Variants in MOXD1 observed in about 807,000 individuals in gnomAD.
MOXD1 encodes DBH-like monooxygenase protein 1.
In MOXD1, 62 loss-of-function variants were observed where a neutral mutation model predicts 66.6. The ratio of observed to expected loss-of-function variants is 0.93; its 90% CI spans 0.76 to 1.15. The LOEUF (loss-of-function observed/expected upper bound fraction) is 1.15, where lower values mean the gene tolerates loss of function less well. MOXD1 is among the 50% of genes most tolerant of loss of function. The pLI, the probability that MOXD1 is intolerant of heterozygous loss-of-function variation, is 0.00. For synonymous variants in MOXD1, 303 were observed against 281.9 expected (o/e 1.07, Z -0.75); for missense variants, 847 against 754.6 (o/e 1.12, Z -1.44).
intron 4 of MOXD1, among the ~76,000 whole-genome samples, chr6:132,349,436 C>CATATATATAT (rs1306974766): frequency 2.3e-4 from 4 of 17,324 alleles, no homozygotes; most frequent in Non-Finnish European, 3.0e-4. Flanking sequence ...TATATATATA[C>CATATATATAT]ATATATATAT....
chr6:132,398,250 A>G (rs749326393), intron 1 of MOXD1, among the ~76,000 whole-genome samples: 10 of 152,210 alleles, frequency 6.6e-5, no homozygotes, highest in Non-Finnish European at 1.2e-4. Flanking sequence ...TGTGACATCT[A>G]TTAAGCCAAT....
At chr6:132,305,649 A>G (rs879430367) in intron 10 of MOXD1, among the ~76,000 whole-genome samples, 9 of 152,240 alleles carry the variant, frequency 5.9e-5, no homozygotes, top group African/African-American at 2.2e-4. Flanking sequence ...AAGAAGGAGT[A>G]GGCACTCATC....
chr6:132,307,790 A>C (rs1394867231), intron 10 of MOXD1, among the ~76,000 whole-genome samples: 1 of 152,194 alleles, frequency 6.6e-6, no homozygotes, highest in East Asian at 1.9e-4. Context: ...TAATGAAATT[A>C]AGACAGAAAT....
chr6:132,332,048 G>A (rs896848610), intron 4 of MOXD1, among the ~76,000 whole-genome samples: 2 of 152,174 alleles, frequency 1.3e-5, no homozygotes, highest in Non-Finnish European at 2.9e-5. Flanking sequence ...GGGGGCTCAT[G>A]GCCTCCCTGC....
intron 1 of MOXD1, among the ~76,000 whole-genome samples, chr6:132,382,085 C>T (rs1370579473): frequency 1.3e-5 from 2 of 151,912 alleles, no homozygotes; most frequent in African/African-American, 4.8e-5. Flanking sequence ...GTTGTCATGG[C>T]CTGATATCAC....
chr6:132,373,564 C>G (rs1776313062), intron 2 of MOXD1, among the ~76,000 whole-genome samples: 1 of 152,140 alleles, frequency 6.6e-6, no homozygotes, highest in Non-Finnish European at 1.5e-5. Flanking sequence ...TACAGTTAAT[C>G]TACAGTCATT....
intron 4 of MOXD1, among the ~76,000 whole-genome samples, chr6:132,348,755 C>T (rs1455035192): frequency 1.3e-5 from 2 of 152,056 alleles, no homozygotes; most frequent in African/African-American, 2.4e-5. Flanking sequence ...AATCTCTTTT[C>T]TTGGCAGATA....
intron 10 of MOXD1, among the ~76,000 whole-genome samples, chr6:132,305,094 G>A (rs564182984): frequency 8.5e-5 from 13 of 152,284 alleles, no homozygotes; most frequent in Admixed American, 2.0e-4. Context: ...ACTAGGACTC[G>A]CAACTGCCTA....
At chr6:132,383,887 T>G (rs1379888441) in intron 1 of MOXD1, among the ~76,000 whole-genome samples, 4 of 152,142 alleles carry the variant, frequency 2.6e-5, no homozygotes, top group African/African-American at 9.6e-5. Flanking sequence ...CTGGCCAAAA[T>G]AGTGAAACCC....
intron 4 of MOXD1, among the ~76,000 whole-genome samples, chr6:132,340,179 G>A (rs1044086798): frequency 1.9e-4 from 29 of 152,122 alleles, no homozygotes; most frequent in African/African-American, 6.3e-4. Flanking sequence ...CACCGCGCCT[G>A]GCCAAAGCTA....
intron 1 of MOXD1, among the ~76,000 whole-genome samples, chr6:132,395,493 T>A (rs999394054): frequency 6.6e-6 from 1 of 151,884 alleles, no homozygotes; most frequent in Non-Finnish European, 1.5e-5. Context: ...CAACTAGAAA[T>A]CAGTTAATAA....
At chr6:132,354,687 A>C (rs562932679) in intron 4 of MOXD1, among the ~76,000 whole-genome samples, 3 of 152,200 alleles carry the variant, frequency 2.0e-5, no homozygotes, top group African/African-American at 7.2e-5. Context: ...TACGAAGAGG[A>C]AGTGGTGGTG....
At chr6:132,303,857 A>G (rs1332125756) in intron 10 of MOXD1, among the ~76,000 whole-genome samples, 3 of 72,466 alleles carry the variant, frequency 4.1e-5, no homozygotes, top group African/African-American at 1.6e-4. Flanking sequence ...ATATATATAT[A>G]TATATATATA....
At chr6:132,315,232 G>A (rs1207828450) in intron 10 of MOXD1, among the ~76,000 whole-genome samples, 1 of 152,062 alleles carries the variant, frequency 6.6e-6, no homozygotes, top group Non-Finnish European at 1.5e-5. Flanking sequence ...TTCCATACAT[G>A]TTGTCACAAT....
intron 4 of MOXD1, among the ~76,000 whole-genome samples, chr6:132,367,200 G>A (rs976562923): frequency 2.6e-5 from 4 of 151,932 alleles, no homozygotes; most frequent in African/African-American, 9.7e-5. Flanking sequence ...GGTTTTCTTT[G>A]GAACTCTGAC....
intron 10 of MOXD1, among the ~76,000 whole-genome samples, chr6:132,312,393 G>GA (rs1348407139): frequency 1.3e-5 from 2 of 151,988 alleles, no homozygotes; most frequent in African/African-American, 4.8e-5. Context: ...AAGCAAAACA[G>GA]AAAAAAAGCA....
chr6:132,342,922 C>T (rs1438156091), intron 4 of MOXD1, among the ~76,000 whole-genome samples: 1 of 152,082 alleles, frequency 6.6e-6, no homozygotes, highest in Non-Finnish European at 1.5e-5. Flanking sequence ...GATAGATGCA[C>T]ATGTACTAAC....
intron 4 of MOXD1, among the ~76,000 whole-genome samples, chr6:132,349,789 T>G (rs1281692306): frequency 2.0e-5 from 3 of 147,778 alleles, no homozygotes; most frequent in Non-Finnish European, 4.4e-5. Context: ...CATCTCCTGT[T>G]TTTTGATTTT....
intron 10 of MOXD1, among the ~76,000 whole-genome samples, chr6:132,307,832 A>G (rs904809474): frequency 6.6e-6 from 1 of 152,200 alleles, no homozygotes; most frequent in East Asian, 1.9e-4. Context: ...GAACAAAGAG[A>G]CAACGTACCA....
Sources: allele counts gnomAD v4.1 joint callset (sites outside exome capture counted in the v4.1 genomes callset), GRCh38; gene constraint gnomAD v4.1.1; transcripts MANE v1.5; gene names NCBI Gene and HGNC (gene_info 2026-07-23, HGNC 2026-07-21).